The following CYP39A1 variants were observed in gnomAD, a reference collection of about 807,000 sequenced individuals.
CYP39A1 encodes 24-hydroxycholesterol 7-alpha-hydroxylase.
Under a neutral mutation model 58.1 loss-of-function variants are expected in CYP39A1, and 49 were observed. The observed-to-expected ratio is 0.84, with a 90% confidence interval of 0.67 to 1.07. CYP39A1 has a LOEUF of 1.07. Ranked by LOEUF, CYP39A1 falls within the 50% of genes least tolerant of loss-of-function variation. The pLI, the probability that CYP39A1 is intolerant of heterozygous loss-of-function variation, is 0.00. For synonymous variants in CYP39A1, 209 were observed against 187.6 expected, an observed-to-expected ratio of 1.11 and a Z score of -0.93; for missense variants, 531 against 539.4, an observed-to-expected ratio of 0.98 and a Z score of 0.16.
chr6:46,639,610 T>C lies in CYP39A1; in HGVS notation c.372A>G (p.Lys124=), dbSNP rs755016506. 3.7e-6 allele frequency: 6 copies of C among 1,613,934 alleles called. No homozygotes were observed. The East Asian group carries it at 1.3e-4, about 36-fold the overall frequency. ...GGAGATTGACAGTCCCCATTTTCCCTTTCAACATAATATAGAGTTTTTCAT... is the reference window on the plus strand; with the variant it reads ...GGAGATTGACAGTCCCCATTTTCCCCTTCAACATAATATAGAGTTTTTCAT... ...ALHEKLYIML[K]GKMGTVNLHQ... Residue 124 remains lysine, a synonymous_variant, in exon 3 of 12, where the codon AAA becomes AAG. Coordinates refer to ENST00000275016, the MANE Select transcript of CYP39A1 (RefSeq NM_016593.5).
At position 46,557,811 on chromosome 6, in the gene CYP39A1, C is replaced by T. The variant is rs559540438; in HGVS notation, c.1251-3957G>A. 3.3e-5 allele frequency among the ~76,000 whole-genome samples: 5 copies of T among 151,202 alleles called. No homozygotes were observed. The East Asian group carries it at 7.8e-4, about 23-fold the overall frequency. On this transcript the variant is annotated intron_variant, in intron 10 of 11. Coordinates refer to ENST00000275016, the MANE Select transcript of CYP39A1 (RefSeq NM_016593.5). ...AATTAGCCAGGTGTGGTGGTGGGTG[C>T]CTGTAATCCCAGCTACTGCGGAGGC... is the stretch of plus-strand genomic sequence containing the variant.
chr6:46,648,026 G>A (rs1448878780), intron 1 of CYP39A1, among the ~76,000 whole-genome samples: 1 of 152,176 alleles, frequency 6.6e-6, no homozygotes, highest in Admixed American at 6.5e-5. Flanking sequence ...GTGCTGGAGA[G>A]CATGTGGAGA....
rs1762247108 is a variant in CYP39A1, at chr6:46,645,221, T to C, written c.178-2923A>G. Among the ~76,000 whole-genome samples, 3 of 152,192 alleles carry C rather than the reference T, an allele frequency of 2.0e-5. 1 individual carries two copies. The South Asian group carries it at 6.2e-4, about 32-fold the overall frequency. On this transcript the variant is annotated intron_variant, in intron 1 of 11. Transcript: ENST00000275016. ...TCTAAGAGCTATTTTCTATCCCAAA[T>C]TAGGAAGATATTCTTCTATATTTCT... is the stretch of plus-strand genomic sequence containing the variant.
rs1775991318 is a variant in CYP39A1 at position 46,636,379 on chromosome 6, A to G, written c.732+10T>C. 2 of 1,535,426 alleles carry G rather than the reference A, an allele frequency of 1.3e-6. No homozygotes were observed. Among genetic ancestry groups the G allele is most frequent in the Non-Finnish European group, 1.8e-6 (2 of 1,117,276 alleles). On this transcript the variant is annotated intron_variant, in intron 5 of 11. Transcript: ENST00000275016. ...TTTACATTAGCAAAAGAAAGGTAAGAAATACTTACCATGGAATTATCTTTT... is the reference window on the plus strand; with the variant it reads ...TTTACATTAGCAAAAGAAAGGTAAGGAATACTTACCATGGAATTATCTTTT...
At chr6:46,573,635 G>A (rs986275240) in intron 10 of CYP39A1, among the ~76,000 whole-genome samples, 7 of 152,158 alleles carry the variant, frequency 4.6e-5, no homozygotes, top group African/African-American at 1.7e-4. Flanking sequence ...AGGCATTTTT[G>A]TGGCAGTGGT....
chr6:46,636,611 A>G (rs1776005172), intron 4 of CYP39A1, 129 bp from the exon 5 acceptor site: 1 of 638,408 alleles, frequency 1.6e-6, no homozygotes, highest in Admixed American at 3.2e-5. Flanking sequence ...TTTCAGGTAT[A>G]ATTTCATGGA....
chr6:46,649,209 T>C (rs1204278500), intron 1 of CYP39A1, among the ~76,000 whole-genome samples: 3 of 152,264 alleles, frequency 2.0e-5, no homozygotes, highest in Non-Finnish European at 4.4e-5. Context: ...TTTTGATTTT[T>C]ACTGGGGTTG....
chr6:46,576,172 G>A (rs1033897860), intron 10 of CYP39A1, among the ~76,000 whole-genome samples: 2 of 152,100 alleles, frequency 1.3e-5, no homozygotes, highest in Admixed American at 1.3e-4. Flanking sequence ...CAACAACTCA[G>A]TCAGTATTAT....
At chr6:46,608,978 AT>A (rs1204968085) in intron 7 of CYP39A1, among the ~76,000 whole-genome samples, 2 of 152,090 alleles carry the variant, frequency 1.3e-5, no homozygotes, top group Non-Finnish European at 2.9e-5. Flanking sequence ...ATTTGTGGGA[AT>A]TTTTTTGTGA....
At chr6:46,572,495 C>A (rs184291144) in intron 10 of CYP39A1, among the ~76,000 whole-genome samples, 1 of 152,218 alleles carries the variant, frequency 6.6e-6, no homozygotes, top group East Asian at 1.9e-4. Flanking sequence ...TCATCCCATT[C>A]TTTTCTGGCC....
chr6:46,575,402 T>C (rs1280128703), intron 10 of CYP39A1, among the ~76,000 whole-genome samples: 1 of 152,176 alleles, frequency 6.6e-6, no homozygotes, highest in Non-Finnish European at 1.5e-5. Flanking sequence ...TCTGCTGGCC[T>C]CTCTCAGGGT....
At position 46,588,234 on chromosome 6, in the gene CYP39A1, C is replaced by G; in HGVS notation, c.1066-105G>C. ...CAATTATATTGTGGTGAAGATATAC[C>G]TTTTATAATTGAATGTGAGAAAATC... On this transcript the variant is annotated intron_variant, in intron 8 of 11. Transcript: ENST00000275016. 3 of 420,300 alleles carry G rather than the reference C, an allele frequency of 7.1e-6. No homozygotes were observed. The South Asian group carries it at 2.1e-4, about 30-fold the overall frequency. The allele number at this position is 420,300 out of a possible 1,614,324, so 26.0% of individuals were successfully genotyped here. A position where few individuals can be genotyped will look rare whatever the true frequency, so the allele number is the denominator to read the frequency against.
chr6:46,559,375 A>G (rs1027547338), intron 10 of CYP39A1, among the ~76,000 whole-genome samples: 4 of 152,242 alleles, frequency 2.6e-5, no homozygotes, highest in African/African-American at 9.6e-5. Flanking sequence ...ATGTAAAGGC[A>G]TATAAGGTTA....
chr6:46,639,354 A>T, intron 3 of CYP39A1, 140 bp downstream of exon 3: 1 of 774,990 alleles, frequency 1.3e-6, no homozygotes, highest in South Asian at 2.1e-5. Context: ...ATAATTTAAA[A>T]GATTAAAATA....
intron 11 of CYP39A1, among the ~76,000 whole-genome samples, chr6:46,553,117 C>CCCCT (rs1267560801): frequency 2.7e-5 from 4 of 150,580 alleles, no homozygotes; most frequent in Non-Finnish European, 4.4e-5. Flanking sequence ...AATTCTGTAG[C>CCCCT]CCCTCCCCTG....
chr6:46,566,832 G>T (rs1676182930), intron 10 of CYP39A1, among the ~76,000 whole-genome samples: 1 of 141,246 alleles, frequency 7.1e-6, no homozygotes, highest in South Asian at 2.2e-4. Flanking sequence ...AAAATGAGAT[G>T]ATTATATATA....
intron 7 of CYP39A1, among the ~76,000 whole-genome samples, chr6:46,622,235 C>G (rs556915954): frequency 6.6e-6 from 1 of 152,160 alleles, no homozygotes; most frequent in South Asian, 2.1e-4. Context: ...TAAAAATGTT[C>G]TGGGACTAGA....
At chr6:46,589,292 A>G (rs1034301784) in intron 8 of CYP39A1, among the ~76,000 whole-genome samples, 6 of 151,958 alleles carry the variant, frequency 3.9e-5, no homozygotes, top group Non-Finnish European at 7.4e-5. Flanking sequence ...GTCTCTACAA[A>G]AAAATGAAAA....
intron 7 of CYP39A1, among the ~76,000 whole-genome samples, chr6:46,619,652 T>C (rs1774835668): frequency 6.6e-6 from 1 of 152,072 alleles, no homozygotes; most frequent in African/African-American, 2.4e-5. Context: ...TCTTACTGAA[T>C]TTACCAGTAG....
Sources: allele counts gnomAD v4.1 joint callset (sites outside exome capture counted in the v4.1 genomes callset), GRCh38; gene constraint gnomAD v4.1.1; transcripts MANE v1.5; gene names NCBI Gene and HGNC (gene_info 2026-07-23, HGNC 2026-07-21).